SDK1: variants seen among roughly 807,000 people sequenced by gnomAD.
SDK1 encodes protein sidekick-1.
A neutral mutation model predicts 245.5 loss-of-function variants in SDK1; 157 were observed. The ratio of observed to expected loss-of-function variants is 0.64; its 90% confidence interval spans 0.56 to 0.73. The LOEUF (loss-of-function observed/expected upper bound fraction) is 0.73. Among genes scored for constraint, SDK1 ranks in the 30% least tolerant of loss-of-function variants. SDK1 has a pLI of 0.00. For missense variants in SDK1, 3,583 were observed against 3,002.3 expected (o/e 1.19, Z -4.52); for synonymous variants, 1,647 against 1,278.5 (o/e 1.29, Z -6.15).
intron 4 of SDK1, among the ~76,000 whole-genome samples, chr7:3,774,883 C>G (rs1780507393): frequency 1.3e-5 from 2 of 152,142 alleles, no homozygotes; most frequent in South Asian, 4.1e-4. Flanking sequence ...CTAATTGGGA[C>G]TGTTAAATTA....
chr7:3,649,982 A>T (rs1269331391), intron 4 of SDK1, among the ~76,000 whole-genome samples: 1 of 151,650 alleles, frequency 6.6e-6, no homozygotes, highest in Non-Finnish European at 1.5e-5. Context: ...CACAGTGGGA[A>T]GTCTTTGGAA....
At chr7:4,149,088 CAG>C (rs1160548086) in intron 29 of SDK1, among the ~76,000 whole-genome samples, 172 bp from the exon 30 acceptor site, 2 of 142,068 alleles carry the variant, frequency 1.4e-5, no homozygotes, top group African/African-American at 2.9e-5. Flanking sequence ...AACAAAAAAA[CAG>C]AGCCTCTCAT....
chr7:3,854,548 C>T (rs970806506), intron 5 of SDK1, among the ~76,000 whole-genome samples: 16 of 152,074 alleles, frequency 1.1e-4, no homozygotes, highest in African/African-American at 3.9e-4. Flanking sequence ...TCCGTAATGC[C>T]AACACGAAGA....
intron 1 of SDK1, among the ~76,000 whole-genome samples, chr7:3,531,035 C>CTCTGGTA (rs974549642): frequency 1.3e-5 from 2 of 152,266 alleles, no homozygotes; most frequent in African/African-American, 4.8e-5. Context: ...TATTCTGTCA[C>CTCTGGTA]TATAACTCTG....
At chr7:3,934,443 G>A (rs1007794966) in intron 5 of SDK1, among the ~76,000 whole-genome samples, 5 of 152,162 alleles carry the variant, frequency 3.3e-5, no homozygotes, top group East Asian at 1.9e-4. Context: ...GATTATCAGC[G>A]GACTGGAGCC....
intron 14 of SDK1, among the ~76,000 whole-genome samples, chr7:4,002,017 C>A (rs867508913): frequency 6.6e-6 from 1 of 152,242 alleles, no homozygotes; most frequent in Non-Finnish European, 1.5e-5. Flanking sequence ...ACAGTCTGTT[C>A]TACAAATGTA....
intron 1 of SDK1, among the ~76,000 whole-genome samples, chr7:3,552,196 C>A (rs765773324): frequency 6.6e-6 from 1 of 152,086 alleles, no homozygotes; most frequent in African/African-American, 2.4e-5. Flanking sequence ...CACCACCAAG[C>A]CTGGCTAATT....
intron 4 of SDK1, among the ~76,000 whole-genome samples, chr7:3,762,377 C>A (rs1313205167): frequency 3.3e-5 from 5 of 152,188 alleles, no homozygotes; most frequent in Non-Finnish European, 7.3e-5. Context: ...GGCTCTGCGC[C>A]CTCATAGATC....
At chr7:4,070,235 G>C (rs1780162367) in intron 20 of SDK1, among the ~76,000 whole-genome samples, 1 of 152,202 alleles carries the variant, frequency 6.6e-6, no homozygotes, top group Non-Finnish European at 1.5e-5. Context: ...ACCCGCCTGG[G>C]ACTGCCCACC....
At chr7:3,995,346 A>T (rs1248383468) in intron 14 of SDK1, among the ~76,000 whole-genome samples, 4 of 151,598 alleles carry the variant, frequency 2.6e-5, no homozygotes, top group African/African-American at 9.7e-5. Flanking sequence ...GTGCTACCCC[A>T]TCTCCTCCCC....
intron 1 of SDK1, among the ~76,000 whole-genome samples, chr7:3,435,164 ATTTT>A (rs67660025): frequency 6.8e-6 from 1 of 146,758 alleles, no homozygotes; most frequent in East Asian, 1.9e-4. Context: ...AAGTCTCTGT[ATTTT>A]TTTTTTTGAA....
intron 5 of SDK1, among the ~76,000 whole-genome samples, chr7:3,877,257 C>T (rs888929520): frequency 1.1e-4 from 17 of 152,158 alleles, no homozygotes; most frequent in African/African-American, 3.1e-4. Flanking sequence ...TTGGAGAGTC[C>T]GCCTCTCTGA....
chr7:3,778,750 A>G (rs2115008940), intron 4 of SDK1, among the ~76,000 whole-genome samples: 1 of 152,356 alleles, frequency 6.6e-6, no homozygotes. Context: ...AAGCTTAAAC[A>G]AAATGATGAG....
At chr7:3,682,105 G>C (rs1156410599) in intron 4 of SDK1, among the ~76,000 whole-genome samples, 1 of 152,212 alleles carries the variant, frequency 6.6e-6, no homozygotes, top group East Asian at 1.9e-4. Flanking sequence ...CAGACGACCA[G>C]TGAAGATTAT....
intron 4 of SDK1, among the ~76,000 whole-genome samples, chr7:3,661,057 C>G (rs1451158452): frequency 6.6e-6 from 1 of 152,144 alleles, no homozygotes; most frequent in South Asian, 2.1e-4. Context: ...CATTTCAACA[C>G]CTATCTCTCA....
intron 5 of SDK1, among the ~76,000 whole-genome samples, chr7:3,829,705 G>T (rs1779867640): frequency 6.6e-6 from 1 of 152,198 alleles, no homozygotes; most frequent in Non-Finnish European, 1.5e-5. Context: ...CCAGCAGGAA[G>T]GCTCTCTGCG....
rs532838992 is a variant in SDK1, at chr7:3,648,245, C to T, written c.713+6140C>T. 2.5e-3 allele frequency among the ~76,000 whole-genome samples: 374 copies of T among 152,222 alleles called. 3 individuals are homozygous for T. The highest frequency in any genetic ancestry group is 0.018 in the South Asian group (85 of 4,820). On this transcript the variant is annotated intron_variant, in intron 4 of 44. Transcript: ENST00000404826. ...TGCTGTACTTCTCTTTCCTCCACGA[C>T]GTTATTTATGTTGGTAGTTATCAGA...
chr7:3,917,057 T>G (rs1301094064), intron 5 of SDK1, among the ~76,000 whole-genome samples: 3 of 152,236 alleles, frequency 2.0e-5, no homozygotes, highest in Admixed American at 2.0e-4. Context: ...CCATCATCCC[T>G]TAACAAACTG....
chr7:4,261,698 G>C (rs1583197434), intron 44 of SDK1, among the ~76,000 whole-genome samples: 1 of 152,188 alleles, frequency 6.6e-6, no homozygotes, highest in African/African-American at 2.4e-5. Flanking sequence ...ATGATCCTCA[G>C]ATGGCATTTC....
Sources: allele counts gnomAD v4.1 joint callset (sites outside exome capture counted in the v4.1 genomes callset), GRCh38; gene constraint gnomAD v4.1.1; transcripts MANE v1.5; gene names NCBI Gene and HGNC (gene_info 2026-07-23, HGNC 2026-07-21).